IL7: variants seen among roughly 807,000 people sequenced by gnomAD.
IL7 encodes the protein interleukin 7, also known as interleukin-7.
A neutral mutation model predicts 21.6 loss-of-function variants in IL7; 3 were observed. The observed-to-expected ratio is 0.14, with a 90% CI of 0.06 to 0.36. The LOEUF (loss-of-function observed/expected upper bound fraction) is 0.36. Among genes scored for constraint, IL7 ranks in the 10% least tolerant of loss-of-function variants. The probability of loss-of-function intolerance (pLI) is 1.00; values close to 1 mark genes in which losing one functional copy is unlikely to be tolerated. For synonymous variants in IL7, 62 were observed against 68.1 expected, an observed-to-expected ratio of 0.91 and a Z score of 0.44; for missense variants, 175 against 200.2, an observed-to-expected ratio of 0.87 and a Z score of 0.76.
chr8:78,757,869 T>C (rs556919091), intron 2 of IL7, among the ~76,000 whole-genome samples: 1 of 152,178 alleles, frequency 6.6e-6, no homozygotes, highest in East Asian at 1.9e-4. Flanking sequence ...CAGTAGGAGG[T>C]AATTGACTCA....
At chr8:78,748,716 T>C (rs1198966674) in intron 2 of IL7, among the ~76,000 whole-genome samples, 1 of 152,094 alleles carries the variant, frequency 6.6e-6, no homozygotes, top group Non-Finnish European at 1.5e-5. Context: ...AATAGACAAA[T>C]AGTAAAGCCA....
downstream of IL7, among the ~76,000 whole-genome samples, chr8:78,730,396 G>A (rs965201743): frequency 6.6e-6 from 1 of 151,870 alleles, no homozygotes; most frequent in African/African-American, 2.4e-5. Context: ...TCATTGTCTT[G>A]TCCTACGATA....
intron 2 of IL7, among the ~76,000 whole-genome samples, chr8:78,795,266 ATGAG>A (rs1424628917): frequency 3.3e-5 from 5 of 152,130 alleles, no homozygotes; most frequent in East Asian, 1.9e-4. Context: ...CACTGAATGA[ATGAG>A]TAACTAAATC....
At chr8:78,771,511 T>A (rs1812952998) in intron 2 of IL7, among the ~76,000 whole-genome samples, 1 of 152,050 alleles carries the variant, frequency 6.6e-6, no homozygotes, top group African/African-American at 2.4e-5. Flanking sequence ...GAAACCCTGG[T>A]GGCTACTGGT....
chr8:78,737,754 AAAAT>A (rs1348382723), intron 4 of IL7, among the ~76,000 whole-genome samples: 16 of 152,194 alleles, frequency 1.1e-4, no homozygotes, highest in African/African-American at 3.6e-4. Context: ...TTAAAACCAT[AAAAT>A]AAACTTTTGG....
At chr8:78,773,569 G>T (rs757818833) in intron 2 of IL7, among the ~76,000 whole-genome samples, 1 of 152,072 alleles carries the variant, frequency 6.6e-6, no homozygotes, top group African/African-American at 2.4e-5. Context: ...GGTGCTGGGC[G>T]TGTAAGGGGC....
intron 3 of IL7, among the ~76,000 whole-genome samples, chr8:78,723,421 T>G (rs1342189951): frequency 6.6e-6 from 1 of 152,010 alleles, no homozygotes; most frequent in Non-Finnish European, 1.5e-5. Context: ...CGTTTGTACT[T>G]AAGCTGAAGC....
intron 2 of IL7, among the ~76,000 whole-genome samples, chr8:78,774,182 A>C (rs1411328458): frequency 6.6e-6 from 1 of 152,108 alleles, no homozygotes; most frequent in South Asian, 2.1e-4. Flanking sequence ...AGTTTTGAGA[A>C]GGCAAGAGAT....
intron 4 of IL7, chr8:78,721,289 T>G (rs1811233745): frequency 6.6e-6 from 1 of 152,026 alleles, no homozygotes; most frequent in Non-Finnish European, 1.5e-5. Context: ...CCATTTTTTC[T>G]TTTCTTCCTT....
downstream of IL7, among the ~76,000 whole-genome samples, chr8:78,715,751 A>C (rs1031893726): frequency 1.3e-5 from 2 of 152,104 alleles, no homozygotes; most frequent in Admixed American, 6.5e-5. Context: ...ATAAAACTGG[A>C]ATGGATGAGG....
intron 3 of IL7, chr8:78,721,493 C>T (rs186538330): frequency 6.6e-6 from 1 of 152,150 alleles, no homozygotes; most frequent in South Asian, 2.1e-4. Flanking sequence ...GCTATTCAAT[C>T]TTATCTCACT....
chr8:78,779,422 G>A (rs1813242613), intron 2 of IL7, among the ~76,000 whole-genome samples: 1 of 152,072 alleles, frequency 6.6e-6, no homozygotes, highest in Non-Finnish European at 1.5e-5. Context: ...TCAATATCTA[G>A]TTTATTGAGA....
chr8:78,718,421 A>G (rs1811171114), intron 6 of IL7: 1 of 151,974 alleles, frequency 6.6e-6, no homozygotes, highest in Admixed American at 6.6e-5. Context: ...ATTTTAATGC[A>G]TCTTAAATCA....
chr8:78,676,843 A>G (rs534469662), intron 4 of IL7, among the ~76,000 whole-genome samples: 1 of 152,058 alleles, frequency 6.6e-6, no homozygotes, highest in East Asian at 1.9e-4. Flanking sequence ...TTTGGCTCTC[A>G]TTTATGTGGT....
Position 78,733,716 on chromosome 8 carries a change from G to A in IL7, c.531C>T (p.His177=). The change falls in exon 6 of 6, where the codon CAC becomes CAT. Residue 177 remains histidine, a synonymous_variant. Transcript: ENST00000263851. ...CTATATTGCCACTCCATATTTTTCA[G>A]TGTTCTTTAGTGCCCATCAAAATTT... ...WNKILMGTKE[H] 1 of 1,597,896 alleles carries A rather than the reference G, an allele frequency of 6.3e-7. No homozygotes were observed. Among genetic ancestry groups the A allele is most frequent in the Non-Finnish European group, 8.5e-7 (1 of 1,174,430 alleles).
intron 3 of IL7, among the ~76,000 whole-genome samples, chr8:78,693,074 T>C (rs1479009280): frequency 6.6e-6 from 1 of 152,114 alleles, no homozygotes; most frequent in Non-Finnish European, 1.5e-5. Context: ...TCATTTTTTA[T>C]GGCTGCATAG....
chr8:78,804,868 C>A, intron 1 of IL7, 45 bp downstream of exon 1: 1 of 1,610,944 alleles, frequency 6.2e-7, no homozygotes, highest in Non-Finnish European at 8.5e-7. Context: ...ATTGCCCCGG[C>A]GCGTCGGGCG....
rs78704008 is a variant in IL7 at position 78,746,111 on chromosome 8, C to G, written c.148-6029G>C. ...CATTTTCAGATTAGAATTTTTTTAT[C>G]TGGGTGGCCATTATTTAGCCTACTA... is the stretch of plus-strand genomic sequence containing the variant. On this transcript the variant is annotated intron_variant, in intron 2 of 5. Coordinates refer to ENST00000263851, the MANE Select transcript of IL7 (RefSeq NM_000880.4). Among the ~76,000 whole-genome samples the G allele has an allele frequency of 1.8e-4, 28 of 152,260 alleles. No homozygotes were observed. In the East Asian group the frequency reaches 4.8e-3, roughly 26 times the overall value.
chr8:78,795,557 A>G (rs1813826585), intron 2 of IL7, among the ~76,000 whole-genome samples: 1 of 151,986 alleles, frequency 6.6e-6, no homozygotes, highest in Admixed American at 6.6e-5. Context: ...TCTCCCACCA[A>G]AAAAATGTGT....
Sources: allele counts gnomAD v4.1 joint callset (sites outside exome capture counted in the v4.1 genomes callset), GRCh38; gene constraint gnomAD v4.1.1; transcripts MANE v1.5; gene names NCBI Gene and HGNC (gene_info 2026-07-23, HGNC 2026-07-21).